PPP2R3C: variants seen among roughly 807,000 people sequenced by gnomAD.
The protein encoded by PPP2R3C is protein phosphatase 2 regulatory subunit B''gamma, also known as serine/threonine-protein phosphatase 2A regulatory subunit B'' subunit gamma.
In PPP2R3C, 47 loss-of-function variants were observed where a neutral mutation model predicts 63.7. That is an observed-to-expected ratio of 0.74 (90% CI 0.58 to 0.94). PPP2R3C has a LOEUF of 0.94. PPP2R3C is among the 40% of genes least tolerant of loss of function. PPP2R3C has a pLI of 0.00. For synonymous variants in PPP2R3C, 180 were observed against 177.4 expected (o/e 1.01, Z -0.12); for missense variants, 421 against 518.4 (o/e 0.81, Z 1.82).
At chr14:35,114,730 C>T (rs759869238) in intron 2 of PPP2R3C, among the ~76,000 whole-genome samples, 7 of 152,048 alleles carry the variant, frequency 4.6e-5, no homozygotes, top group East Asian at 3.9e-4. Flanking sequence ...TGGTGGCTCA[C>T]GCCTGTAATC....
rs373427127 is a variant in PPP2R3C at position 35,106,467 on chromosome 14, G to A, written c.573+837C>T. On this transcript the variant is annotated intron_variant, in intron 6 of 12. Coordinates refer to ENST00000261475, the MANE Select transcript of PPP2R3C (RefSeq NM_017917.4). ...AGCGATTCTCCCACCTCAGCCCCTTGAATAGCTGGGATTACAGGTATGCAC... is the reference window on the plus strand; with the variant it reads ...AGCGATTCTCCCACCTCAGCCCCTTAAATAGCTGGGATTACAGGTATGCAC... 37 of 152,320 alleles carry A rather than the reference G, an allele frequency of 2.4e-4. No homozygotes were observed. The East Asian group carries it at 5.4e-3, about 22-fold the overall frequency. 9.4% of individuals were successfully genotyped at this position (152,320 alleles called of 1,614,324 possible). A position where few individuals can be genotyped will look rare whatever the true frequency, so the allele number is the denominator to read the frequency against.
At position 35,107,306 on chromosome 14, in the gene PPP2R3C, A is replaced by G. The variant is rs1409234045; in HGVS notation, c.571T>C (p.Ser191Pro). The G allele has an allele frequency of 6.9e-6, 11 of 1,593,864 alleles. No homozygotes were observed. Among genetic ancestry groups the G allele is most frequent in the Non-Finnish European group, 7.7e-6 (9 of 1,161,720 alleles). Residue 191 changes from serine to proline, a missense_variant and splice_region_variant, in exon 6 of 13, where the codon TCT (serine) becomes CCT (proline). Physicochemically the swap from Ser to Pro is moderately conservative, Grantham distance 74. Around this residue, in one of 3 missense-constraint regions of PPP2R3C, gnomAD observed 47 missense variants for 102.3 expected, o/e 0.46. Transcript: ENST00000261475. ...ATATCTATAAGGTTAACACTTACAG[A>G]TTCCCGAAGGTACCCCTGCCCAGCG... The part of the protein sequence containing the change: ...DVAGQGYLRE[S>P]DLENYILELI...
At chr14:35,099,571 A>G in intron 6 of PPP2R3C, 187 bp from the exon 7 acceptor site, 1 of 686,596 alleles carries the variant, frequency 1.5e-6, no homozygotes, top group Non-Finnish European at 2.2e-6. Flanking sequence ...TTTGAAAAGT[A>G]GTAAATTCTA....
chr14:35,095,599 G>A (rs2045966263), intron 9 of PPP2R3C, among the ~76,000 whole-genome samples: 1 of 151,924 alleles, frequency 6.6e-6, no homozygotes. Flanking sequence ...CAGCACTTTG[G>A]GAGGCTGAGG....
chr14:35,090,513 GA>G (rs1008502014), intron 11 of PPP2R3C, among the ~76,000 whole-genome samples: 1 of 151,606 alleles, frequency 6.6e-6, no homozygotes, highest in African/African-American at 2.4e-5. Flanking sequence ...CTCAAAAAAA[GA>G]AAAAAATAAA....
chr14:35,110,320 A>T (rs756475733), intron 3 of PPP2R3C: 2 of 503,802 alleles, frequency 4.0e-6, no homozygotes, highest in African/African-American at 3.9e-5. Flanking sequence ...TAGGGCCTTA[A>T]ACAAAAATAA....
chr14:35,108,908 C>T (rs996406416), intron 4 of PPP2R3C, among the ~76,000 whole-genome samples: 5 of 151,960 alleles, frequency 3.3e-5, no homozygotes, highest in Non-Finnish European at 7.4e-5. Context: ...CCATGCCTAG[C>T]CTAAGTCATA....
intron 3 of PPP2R3C, 190 bp downstream of exon 3, chr14:35,110,332 AAAC>A (rs1566422873): frequency 9.7e-6 from 5 of 517,962 alleles, no homozygotes; most frequent in Non-Finnish European, 1.0e-5. Flanking sequence ...CAAAAATAAC[AAAC>A]AACACTATGT....
At chr14:35,115,323 C>T (rs574082118) in intron 2 of PPP2R3C, among the ~76,000 whole-genome samples, 3 of 150,932 alleles carry the variant, frequency 2.0e-5, no homozygotes, top group South Asian at 2.1e-4. Context: ...CCACCATGCC[C>T]GGCTAAGTTT....
chr14:35,095,686 CAA>C (rs111255611), intron 9 of PPP2R3C, among the ~76,000 whole-genome samples: 7 of 133,068 alleles, frequency 5.3e-5, no homozygotes, highest in African/African-American at 2.0e-4. Context: ...AAAAAAAAAA[CAA>C]AAAAAAAAAA....
intron 5 of PPP2R3C, 150 bp downstream of exon 5, chr14:35,107,989 A>G: frequency 8.2e-7 from 1 of 1,215,098 alleles, no homozygotes; most frequent in Non-Finnish European, 1.1e-6. Flanking sequence ...TGCTAACCCA[A>G]GTTTATGTAA....
At chr14:35,111,748 G>GGCCC (rs1424430003) in intron 2 of PPP2R3C, among the ~76,000 whole-genome samples, 2 of 152,046 alleles carry the variant, frequency 1.3e-5, no homozygotes, top group African/African-American at 4.8e-5. Flanking sequence ...ACTCCTCTGT[G>GGCCC]GCCCCAACCC....
At chr14:35,114,026 A>G (rs1340078457) in intron 2 of PPP2R3C, among the ~76,000 whole-genome samples, 1 of 152,230 alleles carries the variant, frequency 6.6e-6, no homozygotes, top group Non-Finnish European at 1.5e-5. Flanking sequence ...GATAAAGAAT[A>G]CAAAGGGCTC....
At chr14:35,107,621 C>T in intron 5 of PPP2R3C, 1 of 466,452 alleles carries the variant, frequency 2.1e-6, no homozygotes, top group Non-Finnish European at 3.9e-6. Flanking sequence ...GGTGTTCCAC[C>T]AAACAGGGAC....
At chr14:35,094,588 A>G (rs1438310847) in intron 10 of PPP2R3C, among the ~76,000 whole-genome samples, 1 of 150,888 alleles carries the variant, frequency 6.6e-6, no homozygotes, top group Non-Finnish European at 1.5e-5. Flanking sequence ...AGATGTTTTA[A>G]TTTACGTTAA....
chr14:35,095,007 G>T, intron 10 of PPP2R3C, 41 bp downstream of exon 10: 1 of 1,560,608 alleles, frequency 6.4e-7, no homozygotes. Context: ...AACTCTGGGA[G>T]CCTAAACTTT....
Position 35,085,484 on chromosome 14 carries a change from G to A in PPP2R3C, c.*106C>T. On this transcript the variant is annotated 3_prime_UTR_variant, in exon 13 of 13. Coordinates refer to ENST00000261475, the MANE Select transcript of PPP2R3C (RefSeq NM_017917.4). Reference sequence around the variant, plus strand: ...CCAAAACATTTGCTGTGTTCTCTAGGCATATCAAGTGTTTTATTTAGACCA... The same window carrying A: ...CCAAAACATTTGCTGTGTTCTCTAGACATATCAAGTGTTTTATTTAGACCA... The A allele has an allele frequency of 1.0e-6, 1 of 1,004,868 alleles. No individual in the cohort carries two copies. The highest frequency in any genetic ancestry group is 1.4e-6 in the Non-Finnish European group (1 of 717,766). 62.2% of individuals were successfully genotyped at this position (1,004,868 alleles called of 1,614,324 possible).
rs1190084511 is a variant in PPP2R3C, at chr14:35,090,331, T to C, written c.1113+739A>G. Among the ~76,000 whole-genome samples the C allele has an allele frequency of 4.2e-5, 6 of 142,542 alleles. No homozygotes were observed. The Admixed American group carries it at 4.6e-4, about 11-fold the overall frequency. 93.5% of individuals were successfully genotyped at this position (142,542 alleles called of 152,430 possible). On this transcript the variant is annotated intron_variant, in intron 11 of 12. Coordinates refer to ENST00000261475, the MANE Select transcript of PPP2R3C (RefSeq NM_017917.4). ...ATTTCAGCTCACTGCAACCTCCGCCTCCTGGGTTCAAGTGATTCTCCTGCC... is the reference window on the plus strand; with the variant it reads ...ATTTCAGCTCACTGCAACCTCCGCCCCCTGGGTTCAAGTGATTCTCCTGCC...
chr14:35,094,879 AG>A (rs1183656857), intron 10 of PPP2R3C, among the ~76,000 whole-genome samples, 168 bp downstream of exon 10: 1 of 152,166 alleles, frequency 6.6e-6, no homozygotes, highest in East Asian at 1.9e-4. Context: ...ACTTGAACCT[AG>A]GAAGTGGAGG....
Sources: gnomAD v4.1 joint callset for allele counts (sites outside exome capture counted in the v4.1 genomes callset) on GRCh38, gnomAD v4.1.1 for gene constraint, gnomAD v4.1.1 regional missense constraint, MANE v1.5 for transcripts, NCBI Gene and HGNC (gene_info 2026-07-23, HGNC 2026-07-21) for gene names.